The following ALPL variants were observed in gnomAD, a reference collection of about 807,000 sequenced individuals.
ALPL encodes alkaline phosphatase, biomineralization associated, also known as alkaline phosphatase, tissue-nonspecific isozyme.
A neutral mutation model predicts 51.3 loss-of-function variants in ALPL; 42 were observed. The ratio of observed to expected loss-of-function variants is 0.82; its 90% CI spans 0.64 to 1.06. ALPL has a LOEUF of 1.06. Among genes scored for constraint, ALPL ranks in the 50% least tolerant of loss-of-function variants. ALPL has a pLI of 0.00. For missense variants in ALPL, 589 were observed against 709.4 expected (o/e 0.83, Z 1.93); for synonymous variants, 279 against 296.4 (o/e 0.94, Z 0.60).
Position 21,556,693 on chromosome 1 carries a change from C to T in ALPL, c.61+2551C>T, listed in dbSNP as rs576764104. Among the ~76,000 whole-genome samples the T allele has an allele frequency of 1.8e-4, 27 of 152,244 alleles. No individual in the cohort carries two copies. The South Asian group carries it at 5.2e-3, about 29-fold the overall frequency. On this transcript the variant is annotated intron_variant, in intron 2 of 11. Transcript: ENST00000374840. ...GTGGCTCACGCCTGTAATCCCAGCACTTTGGGAGGCCGAGGTAGGTGGATC... is the reference window on the plus strand; with the variant it reads ...GTGGCTCACGCCTGTAATCCCAGCATTTTGGGAGGCCGAGGTAGGTGGATC...
chr1:21,540,232 C>G (rs1237215483), intron 1 of ALPL, among the ~76,000 whole-genome samples: 1 of 152,200 alleles, frequency 6.6e-6, no homozygotes, highest in African/African-American at 2.4e-5. Context: ...GCCCCCGACC[C>G]CTGCCTGGGC....
chr1:21,522,469 T>A (rs9628653), intron 1 of ALPL, among the ~76,000 whole-genome samples: 39,733 of 152,058 alleles, frequency 0.26, 5,409 homozygotes, highest in South Asian at 0.44. Flanking sequence ...AGAGAGATTA[T>A]GTTCATGTCT....
chr1:21,574,699 C>G (rs141524959), intron 9 of ALPL: 1 of 152,252 alleles, frequency 6.6e-6, no homozygotes, highest in Non-Finnish European at 1.5e-5. Context: ...GGCCTGGCCC[C>G]GAACAGGCCT....
In ALPL at chr1:21,524,829, C is replaced by T. The variant is rs549741315; in HGVS notation, c.-105+15312C>T. 3.3e-5 allele frequency among the ~76,000 whole-genome samples: 5 copies of T among 152,274 alleles called. No homozygotes were observed. The South Asian group carries it at 8.3e-4, about 25-fold the overall frequency. ...TTAGAAGTGCGGAGTTTATCTATCC[C>T]CTGCGCGATTCCTGGGGGAAGGGAA... is the stretch of plus-strand genomic sequence containing the variant. On this transcript the variant is annotated intron_variant, in intron 1 of 11. Transcript: ENST00000374840.
Position 21,575,838 on chromosome 1 carries a change from C to G in ALPL, c.1103C>G (p.Ser368Trp), listed in dbSNP as rs368809478. 1 of 1,614,238 alleles carries G rather than the reference C, an allele frequency of 6.2e-7. No homozygotes were observed. The highest frequency in any genetic ancestry group is 2.2e-5 in the East Asian group (1 of 44,882). ...AIGQAGSLTS[S>W]EDTLTVVTAD... Reference sequence around the variant, plus strand: ...GGGCAGGCAGGCAGCTTGACCTCCTCGGAAGACACTCTGACCGTGGTCACT... The same window carrying G: ...GGGCAGGCAGGCAGCTTGACCTCCTGGGAAGACACTCTGACCGTGGTCACT... Residue 368 changes from serine to tryptophan, a missense_variant, in exon 10 of 12, where the codon TCG (serine) becomes TGG (tryptophan). Transcript: ENST00000374840.
In ALPL at chr1:21,575,943, G is replaced by A. The variant is rs61778393; in HGVS notation, c.1189+19G>A. 1 of 1,613,942 alleles carries A rather than the reference G, an allele frequency of 6.2e-7. No individual in the cohort carries two copies. The highest frequency in any genetic ancestry group is 8.5e-7 in the Non-Finnish European group (1 of 1,179,942). Reference sequence around the variant, plus strand: ...ATCTTTGGTAGGTGGGCCTTCTTTGGGGTGGACACTCCTGGGGTCTCCTGT... The same window carrying A: ...ATCTTTGGTAGGTGGGCCTTCTTTGAGGTGGACACTCCTGGGGTCTCCTGT... On this transcript the variant is annotated intron_variant, in intron 10 of 11. Coordinates refer to ENST00000374840, the MANE Select transcript of ALPL (RefSeq NM_000478.6).
intron 1 of ALPL, among the ~76,000 whole-genome samples, chr1:21,532,267 C>T (rs1392957593): frequency 1.3e-5 from 2 of 152,078 alleles, no homozygotes; most frequent in African/African-American, 4.8e-5. Context: ...TCTCAGCTTG[C>T]TGCAACCTCT....
intron 2 of ALPL, among the ~76,000 whole-genome samples, chr1:21,559,039 G>C (rs1644450016): frequency 6.6e-6 from 1 of 151,090 alleles, no homozygotes; most frequent in African/African-American, 2.5e-5. Flanking sequence ...TGTGAGGAAG[G>C]AGGGCTGTTC....
In ALPL at chr1:21,554,103, C is replaced by T. The variant is rs774559268; in HGVS notation, c.22C>T (p.Leu8=). MISPFLV[L]AIGTCLTNSL... ...CACCATGATTTCACCATTCTTAGTA[C>T]TGGCCATTGGCACCTGCCTTACTAA... is the stretch of plus-strand genomic sequence containing the variant. The change falls in exon 2 of 12, where the codon CTG becomes TTG. Residue 8 remains leucine (L), a synonymous_variant. Coordinates refer to ENST00000374840, the MANE Select transcript of ALPL (RefSeq NM_000478.6). The T allele has an allele frequency of 1.3e-6, 2 of 1,552,300 alleles. No homozygotes were observed. Among genetic ancestry groups the T allele is most frequent in the African/African-American group, 2.8e-5 (2 of 72,218 alleles).
At chr1:21,560,553 T>TG (rs1644468070) in intron 2 of ALPL, 73 bp from the exon 3 acceptor site, 4 of 1,583,706 alleles carry the variant, frequency 2.5e-6, no homozygotes, top group Admixed American at 1.7e-5. Flanking sequence ...CAATCAGAAG[T>TG]GGGGGGATCT....
chr1:21,540,439 A>G (rs1219478513), intron 1 of ALPL, among the ~76,000 whole-genome samples: 1 of 152,166 alleles, frequency 6.6e-6, no homozygotes, highest in African/African-American at 2.4e-5. Context: ...CTCTGAACCC[A>G]GACCCTCAGG....
chr1:21,577,563 G>A lies in ALPL; in HGVS notation c.1490G>A (p.Cys497Tyr). The A allele has an allele frequency of 6.2e-7, 1 of 1,604,440 alleles. No individual in the cohort carries two copies. Among genetic ancestry groups the A allele is most frequent in the South Asian group, 1.1e-5 (1 of 91,078 alleles). ...AACIGANLGH[C>Y]APASSAGSLA... ...TGCATCGGGGCCAACCTCGGCCACT[G>A]TGCTCCTGCCAGCTCGGCAGGCAGC... is the stretch of plus-strand genomic sequence containing the variant. Residue 497 changes from cysteine (C) to tyrosine (Y), a missense_variant, in exon 12 of 12, where the codon TGT (cysteine) becomes TAT (tyrosine). Coordinates refer to ENST00000374840, the MANE Select transcript of ALPL (RefSeq NM_000478.6).
At chr1:21,550,697 G>A (rs893554107) in intron 1 of ALPL, among the ~76,000 whole-genome samples, 3 of 152,008 alleles carry the variant, frequency 2.0e-5, no homozygotes, top group African/African-American at 7.2e-5. Flanking sequence ...GCCCGTTCCC[G>A]TTTCCGTACC....
chr1:21,577,675 C>A lies in ALPL; in HGVS notation c.*27C>A, dbSNP rs1334625409. ...GGCCCAGGGCCCGGGCACCCACAAG[C>A]CCGTGACAGATGCCAACTTCCCACA... On this transcript the variant is annotated 3_prime_UTR_variant, in exon 12 of 12. Coordinates refer to ENST00000374840, the MANE Select transcript of ALPL (RefSeq NM_000478.6). The A allele has an allele frequency of 2.5e-6, 4 of 1,588,182 alleles. No homozygotes were observed. The Admixed American group carries it at 6.8e-5, about 27-fold the overall frequency.
chr1:21,526,545 C>A (rs1204974392), intron 1 of ALPL, among the ~76,000 whole-genome samples: 2 of 152,036 alleles, frequency 1.3e-5, no homozygotes, highest in Non-Finnish European at 2.9e-5. Flanking sequence ...TATGACTTTT[C>A]TTTGATCCTT....
At chr1:21,513,928 C>T (rs1246794802) in intron 1 of ALPL, among the ~76,000 whole-genome samples, 3 of 152,162 alleles carry the variant, frequency 2.0e-5, no homozygotes, top group Admixed American at 6.5e-5. Flanking sequence ...TGCCCACCTG[C>T]CTCCCTGACA....
intron 1 of ALPL, among the ~76,000 whole-genome samples, chr1:21,511,714 C>T (rs933922412): frequency 2.0e-5 from 3 of 152,242 alleles, no homozygotes; most frequent in African/African-American, 7.2e-5. Context: ...GCCCTGGAGC[C>T]ATCATCTCTG....
At chr1:21,534,818 T>A (rs1270669359) in intron 1 of ALPL, among the ~76,000 whole-genome samples, 2 of 152,192 alleles carry the variant, frequency 1.3e-5, no homozygotes, top group Non-Finnish European at 2.9e-5. Context: ...TCCCTCCTTA[T>A]CTGTGATTTG....
chr1:21,541,426 G>A (rs914093964), intron 1 of ALPL, among the ~76,000 whole-genome samples: 3 of 152,332 alleles, frequency 2.0e-5, no homozygotes, highest in Non-Finnish European at 2.9e-5. Flanking sequence ...CCTGGCTCCA[G>A]CATCCATCTT....
Sources: gnomAD v4.1 joint callset for allele counts (sites outside exome capture counted in the v4.1 genomes callset) on GRCh38, gnomAD v4.1.1 for gene constraint, MANE v1.5 for transcripts, NCBI Gene and HGNC (gene_info 2026-07-23, HGNC 2026-07-21) for gene names.